RUNX1: variants seen among roughly 807,000 people sequenced by gnomAD.
The protein encoded by RUNX1 is runt-related transcription factor 1.
Under a neutral mutation model 42.8 loss-of-function variants are expected in RUNX1, and 19 were observed. The observed-to-expected ratio is 0.44, with a 90% CI of 0.31 to 0.65. The LOEUF (loss-of-function observed/expected upper bound fraction) is 0.65, where lower values mean the gene tolerates loss of function less well. Among genes scored for constraint, RUNX1 ranks in the 30% least tolerant of loss-of-function variants. The pLI is 0.07. For synonymous variants in RUNX1, 271 were observed against 289.4 expected (o/e 0.94, Z 0.64); for missense variants, 528 against 672.0 (o/e 0.79, Z 2.37).
intron 2 of RUNX1, among the ~76,000 whole-genome samples, chr21:35,033,353 T>A (rs138377641): frequency 1.6e-4 from 25 of 152,338 alleles, no homozygotes; most frequent in African/African-American, 6.0e-4. Context: ...AAGAAGAATG[T>A]GATCCTTTGC....
chr21:35,026,289 T>A (rs56117721), intron 2 of RUNX1, among the ~76,000 whole-genome samples: 8,013 of 152,298 alleles, frequency 0.053, 303 homozygotes, highest in Non-Finnish European at 0.069. Flanking sequence ...TACCTGTGGT[T>A]ACCCACTGAC....
chr21:35,048,687 C>A (rs1285874871), intron 2 of RUNX1, among the ~76,000 whole-genome samples, 155 bp downstream of exon 2: 1 of 152,200 alleles, frequency 6.6e-6, no homozygotes, highest in Non-Finnish European at 1.5e-5. Context: ...ATCCAATAGA[C>A]TTGTAATCAT....
intron 2 of RUNX1, among the ~76,000 whole-genome samples, chr21:34,967,669 T>C (rs758105731): frequency 2.0e-5 from 3 of 152,078 alleles, no homozygotes; most frequent in African/African-American, 2.4e-5. Context: ...CCTGAGGTGA[T>C]TGTGACAGTG....
intron 7 of RUNX1, among the ~76,000 whole-genome samples, chr21:34,819,862 G>A (rs2056883141): frequency 6.6e-6 from 1 of 152,210 alleles, no homozygotes; most frequent in Non-Finnish European, 1.5e-5. Flanking sequence ...TTGCCATCCT[G>A]CTTCTGGCCC....
intron 2 of RUNX1, among the ~76,000 whole-genome samples, chr21:34,945,601 C>T (rs1015808198): frequency 1.3e-5 from 2 of 152,212 alleles, no homozygotes; most frequent in African/African-American, 4.8e-5. Context: ...GACTTCTCTG[C>T]AACACCCTTG....
intron 7 of RUNX1, among the ~76,000 whole-genome samples, chr21:34,820,237 C>T (rs2056888029): frequency 6.6e-6 from 1 of 152,080 alleles, no homozygotes; most frequent in Non-Finnish European, 1.5e-5. Flanking sequence ...CCCTTCCTTG[C>T]TGGGTGGGGC....
intron 8 of RUNX1, among the ~76,000 whole-genome samples, chr21:34,794,732 A>G (rs1276619034): frequency 6.6e-6 from 1 of 152,174 alleles, no homozygotes; most frequent in Non-Finnish European, 1.5e-5. Context: ...ATATCTGTAG[A>G]TCAGAGTTTC....
At chr21:34,894,253 G>C (rs2058110999) in intron 2 of RUNX1, among the ~76,000 whole-genome samples, 1 of 152,156 alleles carries the variant, frequency 6.6e-6, no homozygotes. Flanking sequence ...TTGAGACCCA[G>C]AGAAGCTTTT....
chr21:35,029,605 C>T (rs542309070), intron 2 of RUNX1, among the ~76,000 whole-genome samples: 2 of 152,298 alleles, frequency 1.3e-5, no homozygotes, highest in South Asian at 4.1e-4. Flanking sequence ...CTAGCCATTC[C>T]TTGCCTCAGG....
intron 2 of RUNX1, among the ~76,000 whole-genome samples, chr21:34,992,155 G>T (rs1271409539): frequency 6.6e-6 from 1 of 152,258 alleles, no homozygotes. Context: ...GAGTGAAGCG[G>T]GCGGTGTCTC....
At chr21:34,857,796 T>G (rs2057516131) in intron 6 of RUNX1, among the ~76,000 whole-genome samples, 1 of 152,216 alleles carries the variant, frequency 6.6e-6, no homozygotes, top group South Asian at 2.1e-4. Flanking sequence ...TACATTAACG[T>G]AGGAATGTCC....
chr21:34,790,340 C>T lies in RUNX1; in HGVS notation c.*1795G>A, dbSNP rs1182810209. On this transcript the variant is annotated 3_prime_UTR_variant, in exon 9 of 9. Coordinates refer to ENST00000675419, the MANE Select transcript of RUNX1 (RefSeq NM_001754.5). ...ATGCTTAAATTTATAAAATAAAAAT[C>T]AAACACTGTTCTGAAGTCCTGCTTT... The T allele has an allele frequency of 8.6e-6, 2 of 233,476 alleles. No homozygotes were observed. Among genetic ancestry groups the T allele is most frequent in the Non-Finnish European group, 1.7e-5 (2 of 117,998 alleles). The allele number at this position is 233,476 out of a possible 1,614,324, so 14.5% of individuals were successfully genotyped here.
At position 34,843,203 on chromosome 21, in the gene RUNX1, C is replaced by T. The variant is rs1030317817; in HGVS notation, c.614-8602G>A. Among the ~76,000 whole-genome samples, 2 of 151,970 alleles carry T rather than the reference C, an allele frequency of 1.3e-5. No homozygotes were observed. The highest frequency in any genetic ancestry group is 4.8e-5 in the African/African-American group (2 of 41,344). Reference sequence around the variant, plus strand: ...ATACAGACACACACATACACAGACACCTGGACACACACACAGATATAAAAC... The same window carrying T: ...ATACAGACACACACATACACAGACATCTGGACACACACACAGATATAAAAC... On this transcript the variant is annotated intron_variant, in intron 6 of 8. Coordinates refer to ENST00000675419, the MANE Select transcript of RUNX1 (RefSeq NM_001754.5). The surrounding 1 kb of genome is among the most constrained non-coding windows in gnomAD (Gnocchi z 4.8).
At chr21:34,880,746 C>T (rs377574925) in intron 4 of RUNX1, 33 bp from the exon 5 acceptor site, 1 of 1,611,652 alleles carries the variant, frequency 6.2e-7, no homozygotes, top group Non-Finnish European at 8.5e-7. Flanking sequence ...ATGCAGACAT[C>T]AGGGATGTTA....
At chr21:34,864,360 G>A (rs111244782) in intron 5 of RUNX1, among the ~76,000 whole-genome samples, 3 of 152,266 alleles carry the variant, frequency 2.0e-5, no homozygotes, top group South Asian at 2.1e-4. Flanking sequence ...AATCACAGGA[G>A]AGCAAGGGAG....
chr21:34,803,634 T>C lies in RUNX1; in HGVS notation c.806-4172A>G, dbSNP rs575253816. On this transcript the variant is annotated intron_variant, in intron 7 of 8. Transcript: ENST00000675419. The stretch of plus-strand genomic sequence containing the variant: ...ATGCATACTGGTTTTCCAGGCTAAA[T>C]GATGTCTGATGCAGCCACTTTACTG... Among the ~76,000 whole-genome samples the C allele has an allele frequency of 2.0e-5, 3 of 152,306 alleles. No individual in the cohort carries two copies. The South Asian group carries it at 6.2e-4, about 32-fold the overall frequency.
At position 34,787,947 on chromosome 21, in the gene RUNX1, C is replaced by G. The variant is rs761390141; in HGVS notation, c.*4188G>C. 2.7e-4 allele frequency: 64 copies of G among 233,346 alleles called. No homozygotes were observed. The highest frequency in any genetic ancestry group is 4.2e-4 in the Non-Finnish European group (50 of 118,112). The allele number at this position is 233,346 out of a possible 1,614,324, so 14.5% of individuals were successfully genotyped here. ...CCAGCTGCCCTGCTCAGGCTGGGCA[C>G]GACGAATGCTCCCAGGAGAGGGGAG... On this transcript the variant is annotated 3_prime_UTR_variant, in exon 9 of 9. Coordinates refer to ENST00000675419, the MANE Select transcript of RUNX1 (RefSeq NM_001754.5).
At chr21:34,985,588 A>C (rs991921839) in intron 2 of RUNX1, among the ~76,000 whole-genome samples, 1 of 152,024 alleles carries the variant, frequency 6.6e-6, no homozygotes, top group African/African-American at 2.4e-5. Flanking sequence ...CCCTATACTG[A>C]CCCCTACTCC....
chr21:34,982,823 C>G (rs1180372964), intron 2 of RUNX1, among the ~76,000 whole-genome samples: 1 of 152,176 alleles, frequency 6.6e-6, no homozygotes, highest in Non-Finnish European at 1.5e-5. Flanking sequence ...CTGCCTTGGC[C>G]TCCCAAAGTG....
Sources: gnomAD v4.1 joint callset for allele counts (sites outside exome capture counted in the v4.1 genomes callset) on GRCh38, gnomAD v4.1.1 for gene constraint, Gnocchi (gnomAD v3.1) non-coding constraint, MANE v1.5 for transcripts, NCBI Gene and HGNC (gene_info 2026-07-23, HGNC 2026-07-21) for gene names.